The following ATP6V1H variants were observed in gnomAD, a reference collection of about 807,000 sequenced individuals.
ATP6V1H encodes V-type proton ATPase subunit H.
In ATP6V1H, 39 loss-of-function variants were observed where a neutral mutation model predicts 71.7. That is an observed-to-expected ratio of 0.54 (90% confidence interval 0.42 to 0.71). The LOEUF is 0.71. Ranked by LOEUF, ATP6V1H falls within the 30% of genes least tolerant of loss-of-function variation. The pLI is 0.00. For missense variants in ATP6V1H, 509 were observed against 594.9 expected (o/e 0.86, Z 1.50); for synonymous variants, 192 against 199.3 (o/e 0.96, Z 0.31).
At chr8:53,773,256 A>G (rs1808740452) in intron 9 of ATP6V1H, among the ~76,000 whole-genome samples, 2 of 152,230 alleles carry the variant, frequency 1.3e-5, no homozygotes, top group African/African-American at 4.8e-5. Flanking sequence ...CTTATTATGA[A>G]TAGATAATGA....
At chr8:53,828,747 TG>T (rs1810902177) in intron 4 of ATP6V1H, among the ~76,000 whole-genome samples, 1 of 152,156 alleles carries the variant, frequency 6.6e-6, no homozygotes, top group African/African-American at 2.4e-5. Context: ...CATCAATAAA[TG>T]TTTTTTTCCT....
chr8:53,757,266 G>A (rs760230153), intron 11 of ATP6V1H, among the ~76,000 whole-genome samples: 1 of 152,156 alleles, frequency 6.6e-6, no homozygotes, highest in Non-Finnish European at 1.5e-5. Context: ...TCTGAGAACA[G>A]GAGCCAGGAA....
At chr8:53,839,926 C>T in intron 2 of ATP6V1H, 1 of 985,730 alleles carries the variant, frequency 1.0e-6, no homozygotes, top group Non-Finnish European at 1.2e-6. Flanking sequence ...TCACGATCGG[C>T]CCCTGGCTGC....
intron 11 of ATP6V1H, among the ~76,000 whole-genome samples, chr8:53,761,767 A>T (rs931352538): frequency 9.9e-5 from 15 of 152,252 alleles, no homozygotes; most frequent in African/African-American, 3.6e-4. Flanking sequence ...CAGAAAATGG[A>T]GTCTAAACAA....
chr8:53,746,646 G>A lies in ATP6V1H; in HGVS notation c.1278-2956C>T, dbSNP rs111751341. 2.3e-3 allele frequency among the ~76,000 whole-genome samples: 350 copies of A among 152,102 alleles called. 2 individuals are homozygous for A. Among genetic ancestry groups the A allele is most frequent in the African/African-American group, 8.0e-3 (331 of 41,512 alleles). On this transcript the variant is annotated intron_variant, in intron 12 of 13. Transcript: ENST00000359530. ...GAGCCCAGTGGGTCTCATACCAAGTGGATGATCTCGCCCCACTGAAACTCA... is the reference window on the plus strand; with the variant it reads ...GAGCCCAGTGGGTCTCATACCAAGTAGATGATCTCGCCCCACTGAAACTCA...
chr8:53,781,229 C>G (rs1809115219), intron 9 of ATP6V1H, among the ~76,000 whole-genome samples: 1 of 152,186 alleles, frequency 6.6e-6, no homozygotes, highest in Admixed American at 6.5e-5. Context: ...TAATAATCGC[C>G]ATTCTAACTG....
At chr8:53,803,941 T>C (rs1809996352) in intron 7 of ATP6V1H, among the ~76,000 whole-genome samples, 1 of 152,204 alleles carries the variant, frequency 6.6e-6, no homozygotes, top group Admixed American at 6.5e-5. Flanking sequence ...TTTCCTCTCA[T>C]CACAAAAATT....
chr8:53,799,535 G>A (rs1809844171), intron 8 of ATP6V1H, among the ~76,000 whole-genome samples: 1 of 152,182 alleles, frequency 6.6e-6, no homozygotes, highest in Admixed American at 6.5e-5. Flanking sequence ...TGCTTACAAG[G>A]TTGGCCTTTG....
At chr8:53,837,361 G>GAC (rs1811190299) in intron 2 of ATP6V1H, among the ~76,000 whole-genome samples, 1 of 152,110 alleles carries the variant, frequency 6.6e-6, no homozygotes, top group African/African-American at 2.4e-5. Context: ...AAGAACAGTT[G>GAC]ACACATCAAT....
At chr8:53,841,385 C>G (rs1272992953) in intron 2 of ATP6V1H, among the ~76,000 whole-genome samples, 193 bp downstream of exon 2, 1 of 152,214 alleles carries the variant, frequency 6.6e-6, no homozygotes, top group Non-Finnish European at 1.5e-5. Flanking sequence ...CGCTCTGCTT[C>G]CCCACTAGGG....
chr8:53,810,379 G>T (rs1810234522), intron 7 of ATP6V1H, among the ~76,000 whole-genome samples: 1 of 152,162 alleles, frequency 6.6e-6, no homozygotes. Context: ...AGGAACTTGG[G>T]GAGCCATAAT....
At chr8:53,834,235 C>T (rs557963695) in intron 2 of ATP6V1H, among the ~76,000 whole-genome samples, 1 of 152,268 alleles carries the variant, frequency 6.6e-6, no homozygotes, top group South Asian at 2.1e-4. Context: ...CATCTGACCA[C>T]TATTCACACC....
At chr8:53,735,102 C>T (rs115530412) in intron 13 of ATP6V1H, among the ~76,000 whole-genome samples, 195 of 152,278 alleles carry the variant, frequency 1.3e-3, no homozygotes, top group African/African-American at 4.3e-3. Flanking sequence ...AAGGTCCAGC[C>T]GTTCTGCCCG....
chr8:53,767,066 T>C lies in ATP6V1H; in HGVS notation c.1175+2552A>G, dbSNP rs150926599. 9.2e-3 allele frequency among the ~76,000 whole-genome samples: 1,409 copies of C among 152,332 alleles called. 15 individuals carry two copies. The highest frequency in any genetic ancestry group is 0.013 in the Non-Finnish European group (912 of 68,036). On this transcript the variant is annotated intron_variant, in intron 11 of 13. Transcript: ENST00000359530. ...CATCACGGATCCTACCAACGTGTGA[T>C]GTCTTCCCCGGATGCCCAGCTTTAA... is the stretch of plus-strand genomic sequence containing the variant.
intron 11 of ATP6V1H, among the ~76,000 whole-genome samples, chr8:53,765,432 G>T (rs1291762844): frequency 3.2e-5 from 3 of 94,166 alleles, no homozygotes; most frequent in African/African-American, 9.6e-5. Flanking sequence ...GGGCGGGGAG[G>T]GTGGTGGACA....
rs545352996 is a variant in ATP6V1H at position 53,775,810 on chromosome 8, C to T, written c.871-3643G>A. On this transcript the variant is annotated intron_variant, in intron 9 of 13. Coordinates refer to ENST00000359530, the MANE Select transcript of ATP6V1H (RefSeq NM_015941.4). ...GACATAAAGACTCTCCACGTCCCCA[C>T]CAGACTCAGGAGCCCAGCTGGCTTC... Among the ~76,000 whole-genome samples, 27 of 152,380 alleles carry T rather than the reference C, an allele frequency of 1.8e-4. No individual in the cohort carries two copies. In the East Asian group the frequency reaches 5.2e-3, roughly 29 times the overall value.
At chr8:53,782,554 C>G (rs1368643509) in intron 9 of ATP6V1H, among the ~76,000 whole-genome samples, 1 of 152,024 alleles carries the variant, frequency 6.6e-6, no homozygotes, top group Non-Finnish European at 1.5e-5. Flanking sequence ...GCCTGATTGC[C>G]CTGGCCATAA....
intron 4 of ATP6V1H, among the ~76,000 whole-genome samples, chr8:53,824,576 A>G (rs1300093253): frequency 6.6e-6 from 1 of 152,136 alleles, no homozygotes; most frequent in African/African-American, 2.4e-5. Context: ...TATAAAATCC[A>G]TTACTATAAT....
intron 12 of ATP6V1H, among the ~76,000 whole-genome samples, chr8:53,752,160 G>A (rs963101277): frequency 1.3e-5 from 2 of 152,118 alleles, no homozygotes; most frequent in Admixed American, 6.6e-5. Flanking sequence ...ATTTTTCTAA[G>A]TGTTAAAGTT....
Sources: gnomAD v4.1 joint callset for allele counts (sites outside exome capture counted in the v4.1 genomes callset) on GRCh38, gnomAD v4.1.1 for gene constraint, MANE v1.5 for transcripts, NCBI Gene and HGNC (gene_info 2026-07-23, HGNC 2026-07-21) for gene names.